Variants in TCF3 observed in about 807,000 individuals in gnomAD.
TCF3 encodes transcription factor E2-alpha.
TCF3 carries 54 observed loss-of-function variants against 72.3 expected under a neutral mutation model. The observed-to-expected ratio is 0.75, with a 90% CI of 0.60 to 0.94. The LOEUF is 0.94. Ranked by LOEUF, TCF3 falls within the 40% of genes least tolerant of loss-of-function variation. The pLI, the probability that TCF3 is intolerant of heterozygous loss-of-function variation, is 0.00. For missense variants in TCF3, 1,078 were observed against 934.4 expected (o/e 1.15, Z -2.00); for synonymous variants, 525 against 412.6 (o/e 1.27, Z -3.30).
chr19:1,618,381 G>T (rs565191905), intron 16 of TCF3, among the ~76,000 whole-genome samples: 1 of 152,074 alleles, frequency 6.6e-6, no homozygotes, highest in Non-Finnish European at 1.5e-5. Flanking sequence ...CCACCAGAGG[G>T]TATCTGTGAG....
chr19:1,610,647 G>A lies in TCF3; in HGVS notation c.*1060C>T. On this transcript the variant is annotated 3_prime_UTR_variant, in exon 19 of 19. Coordinates refer to ENST00000262965, the MANE Select transcript of TCF3 (RefSeq NM_003200.5). ...GGTTCCAAGGGAGAGCAGCTTAGGGGGGCCTGGGGAGGGCGTTGTGTAGGG... is the reference window on the plus strand; with the variant it reads ...GGTTCCAAGGGAGAGCAGCTTAGGGAGGCCTGGGGAGGGCGTTGTGTAGGG... The A allele has an allele frequency of 4.3e-6, 1 of 230,900 alleles. No homozygotes were observed. Among genetic ancestry groups the A allele is most frequent in the Non-Finnish European group, 8.6e-6 (1 of 116,618 alleles). The allele number at this position is 230,900 out of a possible 1,614,324, so 14.3% of individuals were successfully genotyped here.
rs199515466 is a variant in TCF3, at chr19:1,633,038, G to A, written c.146-633C>T. Among the ~76,000 whole-genome samples the A allele has an allele frequency of 2.8e-4, 42 of 152,144 alleles. 1 individual carries two copies. Among genetic ancestry groups the A allele is most frequent in the East Asian group, 2.3e-3 (12 of 5,168 alleles). ...CCCAGTGTGGAGACCAGAAGCCTGC[G>A]TGGGGCAGGAGTTCCCGGCGCAGCA... On this transcript the variant is annotated intron_variant, in intron 3 of 18. Coordinates refer to ENST00000262965, the MANE Select transcript of TCF3 (RefSeq NM_003200.5).
At position 1,609,919 on chromosome 19, in the gene TCF3, C is replaced by CCCAGGGGT; in HGVS notation, c.*1780_*1787dup. ...CTGCAGCGGGGATGAACACAGCCAG[C>CCCAGGGGT]CCAGGGGTCCACAAGGCCTCAATGC... is the stretch of plus-strand genomic sequence containing the variant. On this transcript the variant is annotated 3_prime_UTR_variant, in exon 19 of 19. Transcript: ENST00000262965. The CCCAGGGGT allele has an allele frequency of 4.3e-6, 1 of 232,746 alleles. No homozygotes were observed. Among genetic ancestry groups the CCCAGGGGT allele is most frequent in the East Asian group, 6.1e-5 (1 of 16,476 alleles). 14.4% of individuals were successfully genotyped at this position (232,746 alleles called of 1,614,324 possible).
rs1296761271 is a variant in TCF3, at chr19:1,614,539, G to C, written c.1822+746C>G. ...GCGAGGCGTGCCACACACGGCTGCA[G>C]AGACTCGGAAACCTTAGAGCTGAGG... On this transcript the variant is annotated intron_variant, in intron 18 of 18. Coordinates refer to ENST00000262965, the MANE Select transcript of TCF3 (RefSeq NM_003200.5). The surrounding 1 kb of genome is among the most constrained non-coding windows in gnomAD (Gnocchi z 5.6). Among the ~76,000 whole-genome samples, 1 of 152,188 alleles carries C rather than the reference G, an allele frequency of 6.6e-6. No homozygotes were observed. Among genetic ancestry groups the C allele is most frequent in the Non-Finnish European group, 1.5e-5 (1 of 68,020 alleles).
chr19:1,644,632 G>T (rs939654810), intron 3 of TCF3, among the ~76,000 whole-genome samples: 9 of 152,220 alleles, frequency 5.9e-5, no homozygotes, highest in Non-Finnish European at 7.3e-5. Context: ...ACATTGGCAG[G>T]TTCCTGCTGG....
chr19:1,639,027 A>G (rs1283237428), intron 3 of TCF3, among the ~76,000 whole-genome samples: 3 of 152,228 alleles, frequency 2.0e-5, no homozygotes, highest in East Asian at 1.9e-4. Flanking sequence ...CAACCTTCAT[A>G]TCGAAGTTTC....
At chr19:1,652,240 G>C (rs1179059065) in intron 1 of TCF3, 60 bp downstream of exon 1, 1 of 146,652 alleles carries the variant, frequency 6.8e-6, no homozygotes, top group African/African-American at 2.5e-5. Context: ...GCGGGCCGGG[G>C]TTCCCTGGGC....
chr19:1,643,333 G>A (rs1172001930), intron 3 of TCF3, among the ~76,000 whole-genome samples: 1 of 152,124 alleles, frequency 6.6e-6, no homozygotes, highest in Non-Finnish European at 1.5e-5. Context: ...CAATCCTCCT[G>A]CCTCAGCCTC....
intron 16 of TCF3, 47 bp downstream of exon 16, chr19:1,619,063 TC>T (rs1162811268): frequency 6.3e-7 from 1 of 1,598,046 alleles, no homozygotes; most frequent in Non-Finnish European, 8.5e-7. Context: ...TGCCTCAGTT[TC>T]CCCAACTGGA....
rs148304557 is a variant in TCF3 at position 1,615,420 on chromosome 19, G to A, written c.1687C>T (p.Arg563Cys). Residue 563 changes from arginine (R) to cysteine (C), a missense_variant, in exon 18 of 19, where the codon CGT (arginine) becomes TGT (cysteine). Transcript: ENST00000262965. This position sits in a 1 kb window ranked among gnomAD's most constrained non-coding sequence, Gnocchi z 7.3. The stretch of plus-strand genomic sequence containing the variant: ...TCCTTAAAGGCCTCGTTGATGTCAC[G>A]GACCCGCAGCCGCTCCCGGGCGTTA... ...ANNARERLRV[R>C]DINEAFKELG... The A allele has an allele frequency of 8.7e-6, 14 of 1,613,750 alleles. No individual in the cohort carries two copies. Among genetic ancestry groups the A allele is most frequent in the African/African-American group, 1.3e-5 (1 of 74,918 alleles).
intron 6 of TCF3, among the ~76,000 whole-genome samples, 179 bp downstream of exon 6, chr19:1,627,180 C>T (rs1009500319): frequency 6.6e-6 from 1 of 152,216 alleles, no homozygotes; most frequent in Non-Finnish European, 1.5e-5. Flanking sequence ...CCTCACCTAC[C>T]TCCCCTCTGC....
Position 1,614,053 on chromosome 19 carries a change from T to C in TCF3, c.1822+1232A>G, listed in dbSNP as rs1292924453. 6.6e-6 allele frequency among the ~76,000 whole-genome samples: 1 copy of C among 152,286 alleles called. No individual in the cohort carries two copies. Among genetic ancestry groups the C allele is most frequent in the Admixed American group, 6.5e-5 (1 of 15,290 alleles). Reference sequence around the variant, plus strand: ...GCATGGGTGACCTCGCTCTGTTCCCTGGCTTCCTACTTGGTAGAATGGATG... The same window carrying C: ...GCATGGGTGACCTCGCTCTGTTCCCCGGCTTCCTACTTGGTAGAATGGATG... On this transcript the variant is annotated intron_variant, in intron 18 of 18. Transcript: ENST00000262965. This position sits in a 1 kb window ranked among gnomAD's most constrained non-coding sequence, Gnocchi z 5.6.
chr19:1,620,201 G>T (rs1363134094), intron 13 of TCF3, among the ~76,000 whole-genome samples: 7 of 152,202 alleles, frequency 4.6e-5, no homozygotes, highest in Non-Finnish European at 4.4e-5. Flanking sequence ...CAGCAGGCAA[G>T]AAAGTGGCAA....
intron 16 of TCF3, 25 bp downstream of exon 16, chr19:1,619,086 G>T: frequency 6.3e-7 from 1 of 1,598,952 alleles, no homozygotes; most frequent in East Asian, 2.2e-5. Flanking sequence ...CCAGGAGTCG[G>T]ACAGTCCCAA....
intron 18 of TCF3, 81 bp from the exon 19 acceptor site, chr19:1,611,930 C>CG (rs529618842): frequency 0.046 from 7,938 of 174,050 alleles, 236 homozygotes; most frequent in African/African-American, 0.17. Flanking sequence ...GGTAGGATGT[C>CG]GGGGGGGGGG....
chr19:1,616,890 C>T (rs2061602403), intron 16 of TCF3, among the ~76,000 whole-genome samples: 1 of 150,662 alleles, frequency 6.6e-6, no homozygotes, highest in Non-Finnish European at 1.5e-5. Flanking sequence ...TAGAAGACAC[C>T]CACCACAGAT....
chr19:1,650,559 C>A (rs1055707807), intron 1 of TCF3: 1 of 357,512 alleles, frequency 2.8e-6, no homozygotes, highest in Non-Finnish European at 5.0e-6. Flanking sequence ...AACTCCCTAA[C>A]TCCCCCAGGG....
chr19:1,626,019 A>G (rs1477334181), intron 6 of TCF3, among the ~76,000 whole-genome samples: 1 of 152,138 alleles, frequency 6.6e-6, no homozygotes, highest in East Asian at 1.9e-4. Context: ...GCGTCTGTGC[A>G]CCCGGCTGCT....
intron 3 of TCF3, among the ~76,000 whole-genome samples, chr19:1,633,070 G>T (rs550951318): frequency 6.6e-5 from 10 of 152,080 alleles, no homozygotes; most frequent in Non-Finnish European, 1.5e-4. Context: ...AGCAAGGGAC[G>T]GGACGAGGAC....
Sources: allele counts gnomAD v4.1 joint callset (sites outside exome capture counted in the v4.1 genomes callset), GRCh38; gene constraint gnomAD v4.1.1; non-coding constraint Gnocchi (gnomAD v3.1); transcripts MANE v1.5; gene names NCBI Gene and HGNC (gene_info 2026-07-23, HGNC 2026-07-21).